The following PRKCI variants were observed in gnomAD, a reference collection of about 807,000 sequenced individuals.
PRKCI encodes protein kinase C iota type.
In PRKCI, 43 loss-of-function variants were observed where a neutral mutation model predicts 84.0. The observed-to-expected ratio is 0.51, with a 90% CI of 0.40 to 0.66. The LOEUF (loss-of-function observed/expected upper bound fraction) is 0.66. PRKCI is among the 30% of genes least tolerant of loss of function. PRKCI has a pLI of 0.00. For missense variants in PRKCI, 459 were observed against 745.6 expected (o/e 0.62, Z 4.48); for synonymous variants, 216 against 234.4 (o/e 0.92, Z 0.72).
In PRKCI at chr3:170,267,946, G is replaced by A; in HGVS notation, c.396G>A (p.Trp132Ter). 6.2e-7 allele frequency: 1 copy of A among 1,612,604 alleles called. No individual in the cohort carries two copies. The highest frequency in any genetic ancestry group is 8.5e-7 in the Non-Finnish European group (1 of 1,179,376). The stretch of plus-strand genomic sequence containing the variant: ...TCTACCGTAGAGGTGCACGCCGCTG[G>A]AGAAAGCTTTATTGTGCCAATGGCC... The part of the protein sequence containing the change: ...KSIYRRGARR[W>*]RKLYCANGHT... The change falls in exon 5 of 18, where the codon TGG becomes TGA. Residue 132 changes from tryptophan (W) to a stop codon, truncating the protein, a stop_gained. Transcript: ENST00000295797. LOFTEE classifies it high-confidence loss of function.
chr3:170,274,701 T>C (rs1023070922), intron 7 of PRKCI, among the ~76,000 whole-genome samples: 1 of 151,986 alleles, frequency 6.6e-6, no homozygotes, highest in African/African-American at 2.4e-5. Flanking sequence ...AATGATCAAC[T>C]CTATGAAATG....
intron 12 of PRKCI, among the ~76,000 whole-genome samples, chr3:170,288,397 G>A (rs1252906865): frequency 1.3e-5 from 2 of 152,028 alleles, no homozygotes; most frequent in Admixed American, 6.6e-5. Flanking sequence ...GATCTTTATC[G>A]AGTAGGTCTT....
chr3:170,265,912 C>T (rs955582251), intron 4 of PRKCI, among the ~76,000 whole-genome samples: 3 of 152,076 alleles, frequency 2.0e-5, no homozygotes, highest in African/African-American at 7.2e-5. Context: ...TGAGCCACCG[C>T]GCCCGGCCTA....
At chr3:170,257,902 G>A (rs772889790) in intron 2 of PRKCI, among the ~76,000 whole-genome samples, 3 of 151,900 alleles carry the variant, frequency 2.0e-5, no homozygotes, top group Admixed American at 6.6e-5. Context: ...GACCTCAGGC[G>A]ATCCACCCAC....
chr3:170,287,458 G>T (rs1424869539), intron 12 of PRKCI, among the ~76,000 whole-genome samples: 1 of 151,472 alleles, frequency 6.6e-6, no homozygotes, highest in Non-Finnish European at 1.5e-5. Flanking sequence ...AGCATCACAC[G>T]TTGATTCTGT....
At chr3:170,275,906 C>G (rs1734101805) in intron 8 of PRKCI, among the ~76,000 whole-genome samples, 1 of 150,744 alleles carries the variant, frequency 6.6e-6, no homozygotes, top group Non-Finnish European at 1.5e-5. Flanking sequence ...ATTTAGTTCA[C>G]ACTGCCTCCT....
Position 170,292,957 on chromosome 3 carries a change from C to T in PRKCI, c.1292-426C>T, listed in dbSNP as rs566934801. ...TCGGGAGGCCGAGGCAGGAGAATGGCGTGAACCCGGGAGGTGGAGCTTGCA... is the reference window on the plus strand; with the variant it reads ...TCGGGAGGCCGAGGCAGGAGAATGGTGTGAACCCGGGAGGTGGAGCTTGCA... On this transcript the variant is annotated intron_variant, in intron 13 of 17. Transcript: ENST00000295797. Among the ~76,000 whole-genome samples, 10 of 149,518 alleles carry T rather than the reference C, an allele frequency of 6.7e-5. 1 individual carries two copies. In the South Asian group the frequency reaches 8.4e-4, roughly 13 times the overall value.
At chr3:170,235,202 C>T (rs760859573) in intron 1 of PRKCI, 28 bp from the exon 2 acceptor site, 1 of 1,605,248 alleles carries the variant, frequency 6.2e-7, no homozygotes, top group Non-Finnish European at 8.5e-7. Flanking sequence ...TAATCATTTT[C>T]AAACTGAAAA....
chr3:170,224,742 T>A (rs1732586183), intron 1 of PRKCI, among the ~76,000 whole-genome samples: 1 of 152,198 alleles, frequency 6.6e-6, no homozygotes, highest in African/African-American at 2.4e-5. Flanking sequence ...CAGGCATGTC[T>A]TGAACTCCTG....
At position 170,284,381 on chromosome 3, in the gene PRKCI, A is replaced by G. The variant is rs1227675979; in HGVS notation, c.1068-80A>G. The G allele has an allele frequency of 8.2e-6, 10 of 1,221,480 alleles. No individual in the cohort carries two copies. In the Admixed American group the frequency reaches 1.6e-4, roughly 19 times the overall value. The allele number at this position is 1,221,480 out of a possible 1,614,324, so 75.7% of individuals were successfully genotyped here. A position where few individuals can be genotyped will look rare whatever the true frequency, so the allele number is the denominator to read the frequency against. On this transcript the variant is annotated intron_variant, in intron 11 of 17. Coordinates refer to ENST00000295797, the MANE Select transcript of PRKCI (RefSeq NM_002740.6). Reference sequence around the variant, plus strand: ...CTGGGAGAAAAAAATATGTTTTAATATGAATTTTTGTGTTTCCAGTTGTAA... The same window carrying G: ...CTGGGAGAAAAAAATATGTTTTAATGTGAATTTTTGTGTTTCCAGTTGTAA...
intron 2 of PRKCI, among the ~76,000 whole-genome samples, chr3:170,249,382 CAG>C (rs199995227): frequency 1.4e-4 from 21 of 149,354 alleles, no homozygotes; most frequent in Admixed American, 2.7e-4. Context: ...TCATTTACGA[CAG>C]AGAGAGAGAG....
At chr3:170,233,584 A>T (rs949802626) in intron 1 of PRKCI, among the ~76,000 whole-genome samples, 1 of 152,214 alleles carries the variant, frequency 6.6e-6, no homozygotes, top group Non-Finnish European at 1.5e-5. Flanking sequence ...GTGGAATGTT[A>T]TGAACATAGT....
chr3:170,284,483 C>T lies in PRKCI; in HGVS notation c.1090C>T (p.Leu364=), dbSNP rs200664120. 1.3e-6 allele frequency: 2 copies of T among 1,587,196 alleles called. No homozygotes were observed. Among genetic ancestry groups the T allele is most frequent in the East Asian group, 4.5e-5 (2 of 44,626 alleles). The part of the protein sequence containing the change: ...HARFYSAEIS[L]ALNYLHERGI... ...TAGATTTTACTCTGCAGAAATCAGT[C>T]TAGCATTAAATTATCTTCATGAGCG... The change falls in exon 12 of 18, where the codon CTA becomes TTA. Residue 364 remains leucine, a synonymous_variant. Transcript: ENST00000295797.
intron 1 of PRKCI, among the ~76,000 whole-genome samples, chr3:170,226,963 T>C (rs1363844098): frequency 6.6e-6 from 1 of 152,086 alleles, no homozygotes; most frequent in Non-Finnish European, 1.5e-5. Context: ...AATATGGAGA[T>C]AAAATTGGTC....
At chr3:170,240,974 T>G (rs1304314988) in intron 2 of PRKCI, among the ~76,000 whole-genome samples, 1 of 152,228 alleles carries the variant, frequency 6.6e-6, no homozygotes, top group Non-Finnish European at 1.5e-5. Flanking sequence ...TAAATTCTTG[T>G]GTAACAAAAG....
chr3:170,231,407 G>A (rs1162905068), intron 1 of PRKCI, among the ~76,000 whole-genome samples: 2 of 152,036 alleles, frequency 1.3e-5, no homozygotes, highest in African/African-American at 4.8e-5. Context: ...GCTAGATAAT[G>A]TCATCTGCAA....
chr3:170,303,825 T>C lies in PRKCI; in HGVS notation c.*698T>C. The C allele has an allele frequency of 5.5e-6, 1 of 180,610 alleles. No homozygotes were observed. Among genetic ancestry groups the C allele is most frequent in the East Asian group, 9.2e-5 (1 of 10,820 alleles). The allele number at this position is 180,610 out of a possible 1,614,324, so 11.2% of individuals were successfully genotyped here. On this transcript the variant is annotated 3_prime_UTR_variant, in exon 18 of 18. Coordinates refer to ENST00000295797, the MANE Select transcript of PRKCI (RefSeq NM_002740.6). ...TGGCCTGGTCAACATGGTGAAATCC[T>C]GTCTCTACTAAAAATACAAAAATTA...
At chr3:170,261,207 C>T (rs1327042368) in intron 3 of PRKCI, among the ~76,000 whole-genome samples, 1 of 150,570 alleles carries the variant, frequency 6.6e-6, no homozygotes, top group Admixed American at 6.6e-5. Flanking sequence ...TCAAAGAGTC[C>T]TACCACCTGG....
At chr3:170,236,175 C>A (rs1218656248) in intron 2 of PRKCI, among the ~76,000 whole-genome samples, 1 of 151,322 alleles carries the variant, frequency 6.6e-6, no homozygotes, top group African/African-American at 2.4e-5. Flanking sequence ...GATATCAGCT[C>A]ACTGTAACCT....
Sources: allele counts gnomAD v4.1 joint callset (sites outside exome capture counted in the v4.1 genomes callset), GRCh38; gene constraint gnomAD v4.1.1; transcripts MANE v1.5; gene names NCBI Gene and HGNC (gene_info 2026-07-23, HGNC 2026-07-21).